The following PHLDB3 variants were observed in gnomAD, a reference collection of about 807,000 sequenced individuals.
PHLDB3 encodes the protein pleckstrin homology-like domain family B member 3.
PHLDB3 carries 86 observed loss-of-function variants against 85.7 expected under a neutral mutation model. That is an observed-to-expected ratio of 1.00 (90% CI 0.84 to 1.20). The LOEUF (loss-of-function observed/expected upper bound fraction) is 1.20, where lower values mean the gene tolerates loss of function less well. Among genes scored for constraint, PHLDB3 ranks in the 50% most tolerant of loss-of-function variants. PHLDB3 has a pLI of 0.00. For synonymous variants in PHLDB3, 376 were observed against 349.8 expected (o/e 1.07, Z -0.83); for missense variants, 995 against 873.0 (o/e 1.14, Z -1.76).
At chr19:43,503,423 C>A (rs981290575) in intron 2 of PHLDB3, among the ~76,000 whole-genome samples, 1 of 152,200 alleles carries the variant, frequency 6.6e-6, no homozygotes, top group Non-Finnish European at 1.5e-5. Context: ...CTGCCTCAGC[C>A]TCCCGAGTAG....
intron 9 of PHLDB3, among the ~76,000 whole-genome samples, chr19:43,491,867 G>A (rs1030267825): frequency 6.6e-6 from 1 of 151,038 alleles, no homozygotes; most frequent in East Asian, 1.9e-4. Flanking sequence ...GGCTGGTCTC[G>A]ATCTCCTGAC....
chr19:43,475,310 T>A lies in PHLDB3; in HGVS notation c.*100A>T. 1 of 1,466,750 alleles carries A rather than the reference T, an allele frequency of 6.8e-7. No individual in the cohort carries two copies. 90.9% of individuals were successfully genotyped at this position (1,466,750 alleles called of 1,614,324 possible). On this transcript the variant is annotated 3_prime_UTR_variant, in exon 16 of 16. Coordinates refer to ENST00000292140, the MANE Select transcript of PHLDB3 (RefSeq NM_198850.4). ...AATTCCCGGGAGAGTTCCAAAGCGG[T>A]GCGTCCAAGTTTTCCGGCAGTGGGC...
intron 4 of PHLDB3, among the ~76,000 whole-genome samples, chr19:43,498,242 G>A (rs144873749): frequency 4.8e-3 from 732 of 152,302 alleles, no homozygotes; most frequent in Middle Eastern, 0.024. Flanking sequence ...GGGAGGCTGA[G>A]GTGGGAGGAT....
At chr19:43,488,153 CA>C (rs779248803) in intron 9 of PHLDB3, among the ~76,000 whole-genome samples, 154 of 135,670 alleles carry the variant, frequency 1.1e-3, no homozygotes, top group East Asian at 2.1e-3. Context: ...GACTCTGTCG[CA>C]AAAAAAAAAA....
At position 43,475,117 on chromosome 19, in the gene PHLDB3, C is replaced by T; in HGVS notation, c.*293G>A. 1 of 290,064 alleles carries T rather than the reference C, an allele frequency of 3.4e-6. No individual in the cohort carries two copies. Among genetic ancestry groups the T allele is most frequent in the South Asian group, 5.0e-5 (1 of 19,970 alleles). 18.0% of individuals were successfully genotyped at this position (290,064 alleles called of 1,614,324 possible). A position where few individuals can be genotyped will look rare whatever the true frequency, so the allele number is the denominator to read the frequency against. On this transcript the variant is annotated 3_prime_UTR_variant, in exon 16 of 16. Coordinates refer to ENST00000292140, the MANE Select transcript of PHLDB3 (RefSeq NM_198850.4). ...CACAGCAGCAATTCCTGTTTTTCCT[C>T]CGTATTTAATTCGGTATCACAGGAG...
chr19:43,485,141 G>A (rs1599938329), intron 13 of PHLDB3, among the ~76,000 whole-genome samples: 1 of 151,964 alleles, frequency 6.6e-6, no homozygotes, highest in Non-Finnish European at 1.5e-5. Context: ...AAGCTGCGCA[G>A]TGGGCACCTG....
Position 43,497,222 on chromosome 19 carries a change from G to T in PHLDB3, c.721C>A (p.Leu241Met). The change falls in exon 6 of 16, where the codon CTG becomes ATG. Residue 241 changes from leucine (L) to methionine (M), a missense_variant. By Grantham distance (15) the Leu-to-Met change is conservative. Transcript: ENST00000292140. ...TCCTCCTGCCGGCTCTCCCGCTCCA[G>T]TTGCTGGAACTCCAGGTCCTCATAG... is the stretch of plus-strand genomic sequence containing the variant. Reference protein sequence around the residue: ...RAYEDLEFQQLERESRQEEED... With the variant: ...RAYEDLEFQQMERESRQEEED... The T allele has an allele frequency of 6.5e-7, 1 of 1,542,048 alleles. No individual in the cohort carries two copies. The highest frequency in any genetic ancestry group is 8.7e-7 in the Non-Finnish European group (1 of 1,146,288).
intron 4 of PHLDB3, chr19:43,501,528 CAG>C: frequency 2.1e-6 from 2 of 946,670 alleles, no homozygotes; most frequent in South Asian, 3.5e-5. Flanking sequence ...AGCAAACGGA[CAG>C]GGGACAAAGG....
chr19:43,494,396 C>T lies in PHLDB3; in HGVS notation c.1149+306G>A, dbSNP rs944386419. ...AGGATTCTCAAAACACAAGTAGCTG[C>T]GTTACTTCTGAGAAGGGGAGACCTT... On this transcript the variant is annotated intron_variant, in intron 9 of 15. Coordinates refer to ENST00000292140, the MANE Select transcript of PHLDB3 (RefSeq NM_198850.4). Among the ~76,000 whole-genome samples, 6 of 151,350 alleles carry T rather than the reference C, an allele frequency of 4.0e-5. No individual in the cohort carries two copies. The East Asian group carries it at 5.8e-4, about 15-fold the overall frequency.
intron 15 of PHLDB3, 135 bp downstream of exon 15, chr19:43,477,912 A>G: frequency 1.8e-6 from 1 of 558,068 alleles, no homozygotes; most frequent in Admixed American, 3.3e-5. Flanking sequence ...TCTCTGCGAC[A>G]AACACGTACT....
At position 43,485,170 on chromosome 19, in the gene PHLDB3, CCTT is replaced by C. The variant is rs374190248; in HGVS notation, c.1485+1093_1485+1095del. Among the ~76,000 whole-genome samples the C allele has an allele frequency of 3.3e-3, 506 of 151,914 alleles. 2 individuals carry two copies. Among genetic ancestry groups the C allele is most frequent in the African/African-American group, 0.011 (451 of 41,458 alleles). Reference sequence around the variant, plus strand: ...GCACCTGGGGGTCTATTAATCTACTCCTTCTCTCATGCATATGCTTGAATATTT... The same window carrying C: ...GCACCTGGGGGTCTATTAATCTACTCCTCTCATGCATATGCTTGAATATTT... On this transcript the variant is annotated intron_variant, in intron 13 of 15. Transcript: ENST00000292140.
In PHLDB3 at chr19:43,497,777, G is replaced by A. The variant is rs201470724; in HGVS notation, c.634C>T (p.Arg212Cys). 47 of 1,554,044 alleles carry A rather than the reference G, an allele frequency of 3.0e-5. No individual in the cohort carries two copies. The highest frequency in any genetic ancestry group is 1.3e-4 in the South Asian group (11 of 84,206). The change falls in exon 5 of 16, where the codon CGC becomes TGC. Residue 212 changes from arginine to cysteine, a missense_variant. Transcript: ENST00000292140. ...TGCACACCCTGCAGAAGCCGCTCGC[G>A]TTGGTCCTCTGGCTGTGAGTCGAGC... ...GQLDSQPEDQ[R>C]ERLLQGVQEM...
intron 3 of PHLDB3, 94 bp from the exon 4 acceptor site, chr19:43,501,965 T>G (rs1457561297): frequency 6.1e-6 from 9 of 1,484,650 alleles, no homozygotes; most frequent in African/African-American, 1.4e-5. Flanking sequence ...GAGGATGGAC[T>G]CCAGGGACCT....
intron 10 of PHLDB3, 38 bp from the exon 11 acceptor site, chr19:43,486,908 C>T (rs369292721): frequency 5.7e-5 from 86 of 1,503,332 alleles, no homozygotes; most frequent in Non-Finnish European, 5.2e-5. Context: ...GCTGGATACA[C>T]CCTGGCCTGA....
In PHLDB3 at chr19:43,497,244, A is replaced by C. The variant is rs142254017; in HGVS notation, c.699T>G (p.Tyr233Ter). ...REQLDVAQRA[Y>*]EDLEFQQLER... ...CCAGTTGCTGGAACTCCAGGTCCTC[A>C]TAGGCACGTTGGGCCACATCCAGTT... is the stretch of plus-strand genomic sequence containing the variant. The change falls in exon 6 of 16, where the codon TAT (tyrosine) becomes TAG (stop). Residue 233 changes from tyrosine to a stop codon, truncating the protein, a stop_gained. Coordinates refer to ENST00000292140, the MANE Select transcript of PHLDB3 (RefSeq NM_198850.4). LOFTEE classifies it high-confidence loss of function. The C allele has an allele frequency of 2.7e-5, 41 of 1,514,876 alleles. No homozygotes were observed. Among genetic ancestry groups the C allele is most frequent in the Non-Finnish European group, 3.5e-5 (40 of 1,133,178 alleles). The allele number at this position is 1,514,876 out of a possible 1,614,324, so 93.8% of individuals were successfully genotyped here. A position where few individuals can be genotyped will look rare whatever the true frequency, so the allele number is the denominator to read the frequency against.
intron 4 of PHLDB3, among the ~76,000 whole-genome samples, chr19:43,500,366 C>T (rs1356121196): frequency 6.6e-6 from 1 of 152,144 alleles, no homozygotes; most frequent in East Asian, 1.9e-4. Context: ...AACCAACACC[C>T]ACTTGCAGAA....
intron 6 of PHLDB3, chr19:43,496,854 G>A (rs1971468060): frequency 2.3e-6 from 1 of 437,306 alleles, no homozygotes; most frequent in African/African-American, 2.3e-5. Context: ...TTGACCTTCA[G>A]CTTCTTTATT....
At chr19:43,491,209 C>T (rs1971304348) in intron 9 of PHLDB3, among the ~76,000 whole-genome samples, 1 of 152,180 alleles carries the variant, frequency 6.6e-6, no homozygotes, top group African/African-American at 2.4e-5. Flanking sequence ...CAGCTGACAC[C>T]TACCTTCATC....
At chr19:43,495,738 C>A in intron 6 of PHLDB3, 118 bp from the exon 7 acceptor site, 1 of 1,406,394 alleles carries the variant, frequency 7.1e-7, no homozygotes, top group South Asian at 1.5e-5. Flanking sequence ...ACCATGGGAT[C>A]GGAGTGTCCA....
Sources: gnomAD v4.1 joint callset for allele counts (sites outside exome capture counted in the v4.1 genomes callset) on GRCh38, gnomAD v4.1.1 for gene constraint, MANE v1.5 for transcripts, NCBI Gene and HGNC (gene_info 2026-07-23, HGNC 2026-07-21) for gene names.